Variants in RBFOX1 observed in about 807,000 individuals in gnomAD.
RBFOX1 encodes RNA binding protein fox-1 homolog 1.
Under a neutral mutation model 57.7 loss-of-function variants are expected in RBFOX1, and 8 were observed. The ratio of observed to expected loss-of-function variants is 0.14; its 90% confidence interval spans 0.08 to 0.25. RBFOX1 has a LOEUF of 0.25. Ranked by LOEUF, RBFOX1 falls within the 10% of genes least tolerant of loss-of-function variation. The pLI is 1.00. For missense variants in RBFOX1, 611 were observed against 548.5 expected (o/e 1.11, Z -1.14); for synonymous variants, 326 against 222.4 (o/e 1.47, Z -4.15).
At chr16:5,991,645 GTTTTT>G (rs60004233) in intron 4 of RBFOX1, among the ~76,000 whole-genome samples, 17 of 123,934 alleles carry the variant, frequency 1.4e-4, no homozygotes, top group Admixed American at 7.2e-4. Flanking sequence ...TTATTAGATA[GTTTTT>G]TTTTTTTTTT....
intron 4 of RBFOX1, among the ~76,000 whole-genome samples, chr16:7,327,548 C>T (rs2096627084): frequency 6.6e-6 from 1 of 152,166 alleles, no homozygotes; most frequent in Non-Finnish European, 1.5e-5. Context: ...ATCAGGGAAA[C>T]ACTCTGTTTT....
intron 4 of RBFOX1, among the ~76,000 whole-genome samples, chr16:7,314,545 A>G (rs1208643053): frequency 1.3e-5 from 2 of 152,192 alleles, no homozygotes; most frequent in Admixed American, 1.3e-4. Flanking sequence ...GAAGAACGGG[A>G]TGCGATCTGT....
intron 4 of RBFOX1, among the ~76,000 whole-genome samples, chr16:7,496,765 T>C (rs529584926): frequency 3.8e-4 from 45 of 118,334 alleles, no homozygotes; most frequent in African/African-American, 1.2e-3. Context: ...AAAAACAGTT[T>C]GCATTGTGTA....
chr16:5,621,068 C>T (rs149783483), intron 3 of RBFOX1, among the ~76,000 whole-genome samples: 1 of 152,190 alleles, frequency 6.6e-6, no homozygotes, highest in African/African-American at 2.4e-5. Context: ...TCTTGATGTC[C>T]TGACCTCGTG....
intron 4 of RBFOX1, among the ~76,000 whole-genome samples, chr16:7,429,969 C>G (rs1007858500): frequency 6.6e-6 from 1 of 152,218 alleles, no homozygotes; most frequent in Admixed American, 6.5e-5. Context: ...TACTTACTTT[C>G]TCCCTGCAAT....
intron 4 of RBFOX1, among the ~76,000 whole-genome samples, chr16:7,294,724 G>C (rs1183032095): frequency 6.6e-6 from 1 of 151,988 alleles, no homozygotes; most frequent in East Asian, 1.9e-4. Context: ...GCATAGAGTA[G>C]TTCTTCACAA....
intron 2 of RBFOX1, among the ~76,000 whole-genome samples, chr16:6,328,724 A>G (rs1461995244): frequency 1.3e-5 from 2 of 148,860 alleles, no homozygotes; most frequent in Non-Finnish European, 3.0e-5. Context: ...TCTTGTGAAG[A>G]TTAAATAAAA....
At chr16:7,265,984 T>G (rs1479303555) in intron 4 of RBFOX1, among the ~76,000 whole-genome samples, 3 of 141,644 alleles carry the variant, frequency 2.1e-5, no homozygotes, top group African/African-American at 5.4e-5. Flanking sequence ...TTTTTTTTTT[T>G]TTTTTTCTGA....
chr16:6,243,138 GTGTGTC>G (rs962256510), intron 1 of RBFOX1, among the ~76,000 whole-genome samples: 10 of 106,038 alleles, frequency 9.4e-5, no homozygotes, highest in African/African-American at 3.6e-4. Context: ...ATATTTATAC[GTGTGTC>G]TGTGTGTGTG....
chr16:6,363,685 A>G lies in RBFOX1; in HGVS notation c.-64+46628A>G, dbSNP rs113720676. 2.9e-3 allele frequency among the ~76,000 whole-genome samples: 439 copies of G among 152,276 alleles called. 4 individuals carry two copies. Among genetic ancestry groups the G allele is most frequent in the African/African-American group, 0.01 (431 of 41,546 alleles). On this transcript the variant is annotated intron_variant, in intron 2 of 15. Transcript: ENST00000550418. The stretch of plus-strand genomic sequence containing the variant: ...GTTTCCGAAGATTAAATAGAAAAAC[A>G]CTCCGGGGCTTAGCTAAAAGGCTAA...
intron 3 of RBFOX1, among the ~76,000 whole-genome samples, chr16:6,929,715 T>TA (rs1386912700): frequency 6.6e-6 from 1 of 151,972 alleles, no homozygotes; most frequent in Non-Finnish European, 1.5e-5. Context: ...TTATTTTTTT[T>TA]AACACATTTA....
At chr16:6,508,581 C>T (rs547679989) in intron 2 of RBFOX1, among the ~76,000 whole-genome samples, 4 of 152,262 alleles carry the variant, frequency 2.6e-5, no homozygotes, top group African/African-American at 4.8e-5. Context: ...CGTAACATCT[C>T]GTCTCTGCTT....
At chr16:6,292,847 C>T (rs556307594) in intron 1 of RBFOX1, among the ~76,000 whole-genome samples, 1 of 152,156 alleles carries the variant, frequency 6.6e-6, no homozygotes, top group Non-Finnish European at 1.5e-5. Context: ...TGAGCACTTC[C>T]GTTTTCTACT....
intron 4 of RBFOX1, among the ~76,000 whole-genome samples, chr16:7,220,781 G>A (rs751476203): frequency 1.3e-5 from 2 of 152,096 alleles, no homozygotes; most frequent in African/African-American, 2.4e-5. Flanking sequence ...AGGGCTGGCC[G>A]TACAATCAGC....
rs546450285 is a variant in RBFOX1, at chr16:5,947,167, G to A, written c.351+79832G>A. ...GGAGGTTGAGGTTGCAGCGAGCCGT[G>A]ATTCTGCCACTGCTCTCCAGCCTGG... On this transcript the variant is annotated intron_variant, in intron 4 of 19. Transcript: ENST00000641259. The surrounding 1 kb of genome is among the most constrained non-coding windows in gnomAD (Gnocchi z 7.2). Among the ~76,000 whole-genome samples the A allele has an allele frequency of 4.4e-4, 67 of 152,254 alleles. No homozygotes were observed. Among genetic ancestry groups the A allele is most frequent in the Admixed American group, 1.0e-3 (16 of 15,282 alleles).
At chr16:6,792,793 G>T (rs911614356) in intron 3 of RBFOX1, among the ~76,000 whole-genome samples, 3 of 152,168 alleles carry the variant, frequency 2.0e-5, no homozygotes, top group Non-Finnish European at 4.4e-5. Context: ...CACTCTGGGA[G>T]GCCGAGGCAG....
intron 2 of RBFOX1, among the ~76,000 whole-genome samples, chr16:6,535,832 TCTC>T (rs763730027): frequency 5.9e-5 from 9 of 152,228 alleles, no homozygotes; most frequent in Non-Finnish European, 1.2e-4. Flanking sequence ...AGTTTCTCCC[TCTC>T]TGTTCTCTTT....
chr16:7,393,198 T>G (rs1310253154), intron 4 of RBFOX1, among the ~76,000 whole-genome samples: 5 of 152,116 alleles, frequency 3.3e-5, no homozygotes, highest in African/African-American at 1.2e-4. Flanking sequence ...TTATTGCTCC[T>G]TGCATATAGT....
At chr16:7,144,566 A>G (rs927551010) in intron 4 of RBFOX1, among the ~76,000 whole-genome samples, 35 of 151,908 alleles carry the variant, frequency 2.3e-4, no homozygotes, top group African/African-American at 8.4e-4. Context: ...CTGGAATTAC[A>G]TGCATGAGCT....
Sources: allele counts gnomAD v4.1 joint callset (sites outside exome capture counted in the v4.1 genomes callset), GRCh38; gene constraint gnomAD v4.1.1; non-coding constraint Gnocchi (gnomAD v3.1); transcripts MANE v1.5; gene names NCBI Gene and HGNC (gene_info 2026-07-23, HGNC 2026-07-21).